Variants in SGPL1 observed in about 807,000 individuals in gnomAD.
SGPL1 encodes the protein SP-lyase 1.
A neutral mutation model predicts 68.9 loss-of-function variants in SGPL1; 37 were observed. That is an observed-to-expected ratio of 0.54 (90% confidence interval 0.41 to 0.71). The LOEUF (loss-of-function observed/expected upper bound fraction) is 0.71. SGPL1 is among the 30% of genes least tolerant of loss of function. The pLI is 0.00. For synonymous variants in SGPL1, 236 were observed against 248.5 expected (o/e 0.95, Z 0.47); for missense variants, 551 against 704.6 (o/e 0.78, Z 2.47).
intron 6 of SGPL1, among the ~76,000 whole-genome samples, chr10:70,859,124 G>A (rs957572931): frequency 5.9e-5 from 9 of 152,158 alleles, no homozygotes; most frequent in African/African-American, 1.9e-4. Context: ...CTCCTGGGTC[G>A]GTTTGGTGTT....
intron 7 of SGPL1, among the ~76,000 whole-genome samples, chr10:70,864,955 TTAA>T (rs1350091265): frequency 6.6e-6 from 1 of 152,230 alleles, no homozygotes; most frequent in African/African-American, 2.4e-5. Context: ...CTCTGATTAT[TTAA>T]TTCACTGAAG....
chr10:70,862,662 G>A (rs910178728), intron 7 of SGPL1, among the ~76,000 whole-genome samples: 6 of 151,900 alleles, frequency 3.9e-5, no homozygotes, highest in African/African-American at 9.7e-5. Flanking sequence ...CGAGCCCACC[G>A]GGAGGAACGA....
At chr10:70,847,184 G>A (rs1467199809) in intron 3 of SGPL1, among the ~76,000 whole-genome samples, 1 of 151,840 alleles carries the variant, frequency 6.6e-6, no homozygotes, top group African/African-American at 2.4e-5. Context: ...GTCTCACTCT[G>A]TCACCCAGGC....
chr10:70,862,364 T>C (rs2131920451), intron 7 of SGPL1, among the ~76,000 whole-genome samples: 1 of 152,260 alleles, frequency 6.6e-6, no homozygotes, highest in Admixed American at 6.5e-5. Flanking sequence ...AGAACCTTTG[T>C]GTCTAGCTCA....
In SGPL1 at chr10:70,880,230, T is replaced by C. The variant is rs1311766109; in HGVS notation, c.*2895T>C. 1 of 152,334 alleles carries C rather than the reference T, an allele frequency of 6.6e-6. No homozygotes were observed. The highest frequency in any genetic ancestry group is 1.5e-5 in the Non-Finnish European group (1 of 68,032). 9.4% of individuals were successfully genotyped at this position (152,334 alleles called of 1,614,324 possible). Reference sequence around the variant, plus strand: ...TTGCCCCCTGGTGGTGAAACAATCGTGTGTGCCCACTGATACCAAGACCAA... The same window carrying C: ...TTGCCCCCTGGTGGTGAAACAATCGCGTGTGCCCACTGATACCAAGACCAA... On this transcript the variant is annotated 3_prime_UTR_variant, in exon 15 of 15. Transcript: ENST00000373202.
Position 70,877,649 on chromosome 10 carries a change from G to A in SGPL1, c.*314G>A, listed in dbSNP as rs762639199. ...AACTTTACTTAAACATTGTGTGGTA[G>A]CTCTGACCTGTCCTGATTCTTTAGA... On this transcript the variant is annotated 3_prime_UTR_variant, in exon 15 of 15. Coordinates refer to ENST00000373202, the MANE Select transcript of SGPL1 (RefSeq NM_003901.4). 2.1e-5 allele frequency: 6 copies of A among 279,366 alleles called. No homozygotes were observed. The highest frequency in any genetic ancestry group is 4.2e-5 in the Non-Finnish European group (6 of 144,334). 17.3% of individuals were successfully genotyped at this position (279,366 alleles called of 1,614,324 possible).
chr10:70,875,285 A>G, intron 12 of SGPL1, 117 bp from the exon 13 acceptor site: 2 of 656,832 alleles, frequency 3.0e-6, no homozygotes, highest in Non-Finnish European at 5.3e-6. Flanking sequence ...CTAAAGCCCA[A>G]AGGGTTAGAT....
At position 70,844,457 on chromosome 10, in the gene SGPL1, T is replaced by G; in HGVS notation, c.28-16T>G. On this transcript the variant is annotated splice_polypyrimidine_tract_variant and intron_variant, in intron 2 of 14. Coordinates refer to ENST00000373202, the MANE Select transcript of SGPL1 (RefSeq NM_003901.4). ...TCTCTAAATGTAATGTTTTTATTTTTCACTTGTATTTCTAGAAGGCCTTTG... is the reference window on the plus strand; with the variant it reads ...TCTCTAAATGTAATGTTTTTATTTTGCACTTGTATTTCTAGAAGGCCTTTG... 1 of 1,608,348 alleles carries G rather than the reference T, an allele frequency of 6.2e-7. No individual in the cohort carries two copies. Among genetic ancestry groups the G allele is most frequent in the Non-Finnish European group, 8.5e-7 (1 of 1,176,312 alleles).
chr10:70,844,603 T>A lies in SGPL1; in HGVS notation c.158T>A (p.Ile53Lys). The A allele has an allele frequency of 6.2e-7, 1 of 1,614,144 alleles. No individual in the cohort carries two copies. The highest frequency in any genetic ancestry group is 8.5e-7 in the Non-Finnish European group (1 of 1,180,004). The change falls in exon 3 of 15, where the codon ATA (isoleucine) becomes AAA (lysine). Residue 53 changes from isoleucine to lysine, a missense_variant. Transcript: ENST00000373202. ...TGGAGTGTCGTGTGGACCCTGCTGA[T>A]AGTCTGGGGATATGAGTTTGTCTTC... ...IAWSVVWTLL[I>K]VWGYEFVFQP...
chr10:70,837,442 T>C (rs1271192422), intron 2 of SGPL1, among the ~76,000 whole-genome samples: 6 of 152,206 alleles, frequency 3.9e-5, no homozygotes, highest in African/African-American at 1.4e-4. Flanking sequence ...TTGGCCTCTT[T>C]TTCTAAATTA....
chr10:70,862,691 C>A (rs966724944), intron 7 of SGPL1, among the ~76,000 whole-genome samples: 1 of 152,006 alleles, frequency 6.6e-6, no homozygotes, highest in Non-Finnish European at 1.5e-5. Flanking sequence ...GGACGCGCTG[C>A]CTTAAGAGCT....
intron 12 of SGPL1, among the ~76,000 whole-genome samples, 195 bp downstream of exon 12, chr10:70,873,784 AC>A (rs1162071838): frequency 3.3e-5 from 5 of 152,186 alleles, no homozygotes; most frequent in African/African-American, 1.2e-4. Context: ...CTCTGCCCTG[AC>A]TTTTGGAGGG....
intron 2 of SGPL1, among the ~76,000 whole-genome samples, chr10:70,825,057 T>C (rs893911682): frequency 3.3e-5 from 5 of 150,294 alleles, no homozygotes; most frequent in Admixed American, 1.3e-4. Context: ...CTCCGCCTCC[T>C]GGGTTCAAGT....
intron 12 of SGPL1, among the ~76,000 whole-genome samples, chr10:70,874,759 C>T (rs1478431138): frequency 1.3e-5 from 2 of 151,980 alleles, no homozygotes; most frequent in Non-Finnish European, 2.9e-5. Flanking sequence ...AAATTAGCCA[C>T]ATGTGGTGGT....
At chr10:70,835,991 T>C (rs1231153009) in intron 2 of SGPL1, among the ~76,000 whole-genome samples, 1 of 152,188 alleles carries the variant, frequency 6.6e-6, no homozygotes, top group Non-Finnish European at 1.5e-5. Flanking sequence ...CGAGTTGTTA[T>C]GGAAGCCTGA....
At chr10:70,820,774 A>G (rs1482474409) in intron 2 of SGPL1, among the ~76,000 whole-genome samples, 3 of 150,070 alleles carry the variant, frequency 2.0e-5, no homozygotes, top group Non-Finnish European at 4.5e-5. Flanking sequence ...GACTGTCTCA[A>G]AAAAAAAAAA....
At chr10:70,851,268 T>A in intron 4 of SGPL1, 58 bp downstream of exon 4, 1 of 1,350,998 alleles carries the variant, frequency 7.4e-7, no homozygotes, top group East Asian at 2.3e-5. Flanking sequence ...CCTCTTTCTT[T>A]CTATTTACTA....
chr10:70,841,766 T>C (rs1311226463), intron 2 of SGPL1, among the ~76,000 whole-genome samples: 2 of 152,204 alleles, frequency 1.3e-5, no homozygotes, highest in Non-Finnish European at 2.9e-5. Context: ...AGCTTTCATG[T>C]TCCTACTAGA....
chr10:70,871,228 A>C (rs1356064379), intron 10 of SGPL1, 82 bp downstream of exon 10: 2 of 938,452 alleles, frequency 2.1e-6, no homozygotes, highest in Non-Finnish European at 3.2e-6. Context: ...TGGCAAATAG[A>C]AGCGATTTTT....
Sources: gnomAD v4.1 joint callset for allele counts (sites outside exome capture counted in the v4.1 genomes callset) on GRCh38, gnomAD v4.1.1 for gene constraint, MANE v1.5 for transcripts, NCBI Gene and HGNC (gene_info 2026-07-23, HGNC 2026-07-21) for gene names.